CSMD1: variants seen among roughly 807,000 people sequenced by gnomAD.
CSMD1 encodes CUB and sushi domain-containing protein 1.
A neutral mutation model predicts 417.5 loss-of-function variants in CSMD1; 213 were observed. That is an observed-to-expected ratio of 0.51 (90% CI 0.46 to 0.57). The LOEUF is 0.57. Ranked by LOEUF, CSMD1 falls within the 20% of genes least tolerant of loss-of-function variation. The probability of loss-of-function intolerance (pLI) is 0.00; values close to 1 mark genes in which losing one functional copy is unlikely to be tolerated. For missense variants in CSMD1, 6,923 were observed against 4,529.7 expected (o/e 1.53, Z -15.17); for synonymous variants, 2,862 against 1,736.8 (o/e 1.65, Z -16.11).
intron 3 of CSMD1, among the ~76,000 whole-genome samples, chr8:4,314,249 A>C (rs937728326): frequency 3.4e-4 from 51 of 152,196 alleles, no homozygotes; most frequent in African/African-American, 1.1e-3. Context: ...TGCCACATGG[A>C]ATACAACAGC....
chr8:3,073,865 T>G (rs940652061), intron 49 of CSMD1, among the ~76,000 whole-genome samples: 17 of 152,228 alleles, frequency 1.1e-4, no homozygotes, highest in African/African-American at 4.1e-4. Flanking sequence ...TGATTTTTTT[T>G]GTTTCATTTT....
intron 3 of CSMD1, among the ~76,000 whole-genome samples, chr8:4,055,394 T>C (rs1458687654): frequency 4.6e-5 from 7 of 152,040 alleles, no homozygotes; most frequent in Non-Finnish European, 8.8e-5. Context: ...AAGTGATTAA[T>C]CCAATACATA....
intron 3 of CSMD1, among the ~76,000 whole-genome samples, chr8:4,064,463 A>C (rs1365040074): frequency 2.0e-5 from 3 of 152,200 alleles, no homozygotes; most frequent in African/African-American, 2.4e-5. Context: ...TCATATATCA[A>C]AACTGTAGCT....
intron 26 of CSMD1, among the ~76,000 whole-genome samples, chr8:3,236,463 C>T (rs7819976): frequency 0.24 from 36,539 of 152,048 alleles, 4,485 homozygotes; most frequent in Middle Eastern, 0.28. Flanking sequence ...CAATTTTAAA[C>T]AATGTAGTGC....
At chr8:3,780,482 G>A (rs577263579) in intron 5 of CSMD1, among the ~76,000 whole-genome samples, 1 of 152,102 alleles carries the variant, frequency 6.6e-6, no homozygotes, top group African/African-American at 2.4e-5. Context: ...ATCCTGAATC[G>A]AGTATCAGTA....
At chr8:3,921,824 G>C (rs765586011) in intron 5 of CSMD1, among the ~76,000 whole-genome samples, 1 of 152,168 alleles carries the variant, frequency 6.6e-6, no homozygotes, top group African/African-American at 2.4e-5. Context: ...CCTGGAGAGA[G>C]TTTTGTGCAA....
chr8:4,545,163 T>G (rs889837232), intron 2 of CSMD1, among the ~76,000 whole-genome samples: 1 of 152,170 alleles, frequency 6.6e-6, no homozygotes, highest in East Asian at 1.9e-4. Flanking sequence ...TTCTTAAAAA[T>G]CATATTTGTG....
intron 7 of CSMD1, 138 bp downstream of exon 7, chr8:3,708,276 G>A (rs911031525): frequency 1.5e-6 from 1 of 682,226 alleles, no homozygotes; most frequent in Non-Finnish European, 2.5e-6. Flanking sequence ...CTTTCTCCCA[G>A]AAAATACTTT....
intron 9 of CSMD1, among the ~76,000 whole-genome samples, chr8:3,580,262 C>A (rs1328288266): frequency 6.6e-6 from 1 of 152,218 alleles, no homozygotes; most frequent in South Asian, 2.1e-4. Flanking sequence ...AAGGAGAAAA[C>A]TGCTTTGAAG....
In CSMD1 at chr8:3,864,769, G is replaced by A. The variant is rs56083837; in HGVS notation, c.819-110727C>T. On this transcript the variant is annotated intron_variant, in intron 5 of 69. Coordinates refer to ENST00000635120, the MANE Select transcript of CSMD1 (RefSeq NM_033225.6). ...TAAATTAAACTATAGGCACCATCGT[G>A]GTTAACTAGATGTTATTATAGCTCT... 1.1e-3 allele frequency among the ~76,000 whole-genome samples: 164 copies of A among 152,174 alleles called. 1 individual carries two copies. The highest frequency in any genetic ancestry group is 3.2e-3 in the African/African-American group (134 of 41,508).
intron 1 of CSMD1, among the ~76,000 whole-genome samples, chr8:4,891,521 T>TA (rs1385508073): frequency 6.6e-6 from 1 of 152,142 alleles, no homozygotes; most frequent in Non-Finnish European, 1.5e-5. Flanking sequence ...TGTTTTATAC[T>TA]AAAAATATTT....
intron 46 of CSMD1, 22 bp downstream of exon 46, chr8:3,106,506 T>C (rs1486976714): frequency 9.0e-6 from 13 of 1,451,402 alleles, no homozygotes; most frequent in Non-Finnish European, 1.2e-5. Flanking sequence ...TTTATGTAGT[T>C]TTAGTATCGA....
chr8:4,330,679 C>A (rs954151233), intron 3 of CSMD1, among the ~76,000 whole-genome samples: 5 of 152,070 alleles, frequency 3.3e-5, no homozygotes, highest in African/African-American at 1.2e-4. Context: ...GTTTTACACT[C>A]CTAGGTGTTT....
intron 1 of CSMD1, among the ~76,000 whole-genome samples, chr8:4,928,191 G>T (rs1807001521): frequency 6.6e-6 from 1 of 152,082 alleles, no homozygotes; most frequent in Non-Finnish European, 1.5e-5. Context: ...TGCCTGGAGT[G>T]CCCGTCACCA....
intron 37 of CSMD1, among the ~76,000 whole-genome samples, chr8:3,175,179 T>C (rs954964412): frequency 6.6e-5 from 10 of 152,192 alleles, no homozygotes; most frequent in Non-Finnish European, 1.3e-4. Context: ...AGAAAAGTAA[T>C]ACTTTGAACA....
chr8:3,698,646 G>A (rs1019265039), intron 7 of CSMD1, among the ~76,000 whole-genome samples: 4 of 152,158 alleles, frequency 2.6e-5, no homozygotes, highest in Non-Finnish European at 4.4e-5. Context: ...CTGATGATGA[G>A]AGGCATTTCT....
chr8:4,467,898 A>C (rs757516324), intron 2 of CSMD1, among the ~76,000 whole-genome samples: 2 of 152,216 alleles, frequency 1.3e-5, no homozygotes, highest in Non-Finnish European at 2.9e-5. Context: ...TGGGTTGAAC[A>C]CTGGTTTTTG....
At chr8:4,951,739 C>G (rs1011835923) in intron 1 of CSMD1, among the ~76,000 whole-genome samples, 2 of 151,586 alleles carry the variant, frequency 1.3e-5, no homozygotes, top group Non-Finnish European at 2.9e-5. Context: ...TAATGTTACT[C>G]ACAATCTTTC....
At chr8:3,882,280 T>G (rs1032575731) in intron 5 of CSMD1, among the ~76,000 whole-genome samples, 1 of 152,116 alleles carries the variant, frequency 6.6e-6, no homozygotes, top group Non-Finnish European at 1.5e-5. Flanking sequence ...AAATCATCAA[T>G]CCAATAAACA....
Sources: gnomAD v4.1 joint callset for allele counts (sites outside exome capture counted in the v4.1 genomes callset) on GRCh38, gnomAD v4.1.1 for gene constraint, MANE v1.5 for transcripts, NCBI Gene and HGNC (gene_info 2026-07-23, HGNC 2026-07-21) for gene names.